Variants in CAMTA1 observed in about 807,000 individuals in gnomAD.
The protein encoded by CAMTA1 is calmodulin-binding transcription activator 1.
Under a neutral mutation model 170.9 loss-of-function variants are expected in CAMTA1, and 27 were observed. The observed-to-expected ratio is 0.16, with a 90% CI of 0.12 to 0.22. The LOEUF is 0.22. Ranked by LOEUF, CAMTA1 falls within the 10% of genes least tolerant of loss-of-function variation. The pLI, the probability that CAMTA1 is intolerant of heterozygous loss-of-function variation, is 1.00. For synonymous variants in CAMTA1, 833 were observed against 891.5 expected, an observed-to-expected ratio of 0.93 and a Z score of 1.17; for missense variants, 1,619 against 2,217.2, an observed-to-expected ratio of 0.73 and a Z score of 5.42.
In CAMTA1 at chr1:7,673,655, A is replaced by C. The variant is rs964463840; in HGVS notation, c.2779+2618A>C. 1.3e-5 allele frequency among the ~76,000 whole-genome samples: 2 copies of C among 152,226 alleles called. No individual in the cohort carries two copies. The highest frequency in any genetic ancestry group is 4.8e-5 in the African/African-American group (2 of 41,454). ...CCAGGAGCCACAAGGCTCAAGGCAC[A>C]CTGAGAGCTGGGACTCCCCTGCTAG... On this transcript the variant is annotated intron_variant, in intron 10 of 22. Transcript: ENST00000303635. The surrounding 1 kb of genome is among the most constrained non-coding windows in gnomAD (Gnocchi z 4.6).
rs1706247138 is a variant in CAMTA1, at chr1:7,050,947, T to G, written c.235-40357T>G. Among the ~76,000 whole-genome samples the G allele has an allele frequency of 6.6e-6, 1 of 152,218 alleles. No individual in the cohort carries two copies. Among genetic ancestry groups the G allele is most frequent in the African/African-American group, 2.4e-5 (1 of 41,450 alleles). On this transcript the variant is annotated intron_variant, in intron 3 of 22. Coordinates refer to ENST00000303635, the MANE Select transcript of CAMTA1 (RefSeq NM_015215.4). This position sits in a 1 kb window ranked among gnomAD's most constrained non-coding sequence, Gnocchi z 4.8. ...GAAGCCCGGCCCTCTGTACTGTGTG[T>G]TCCCAGGCACAGGGAGAATGACTGT...
In CAMTA1 at chr1:7,528,426, T is replaced by C. The variant is rs873609; in HGVS notation, c.510+60525T>C. On this transcript the variant is annotated intron_variant, in intron 6 of 22. Coordinates refer to ENST00000303635, the MANE Select transcript of CAMTA1 (RefSeq NM_015215.4). Reference sequence around the variant, plus strand: ...AAGTTAACCACAGCTAATATTTTGGTTTTTTAAAAAAAAAAAATCTTTCTA... The same window carrying C: ...AAGTTAACCACAGCTAATATTTTGGCTTTTTAAAAAAAAAAAATCTTTCTA... Among the ~76,000 whole-genome samples, 1,257 of 151,048 alleles carry C rather than the reference T, an allele frequency of 8.3e-3. 18 individuals carry two copies. The highest frequency in any genetic ancestry group is 0.029 in the African/African-American group (1,201 of 41,334).
chr1:7,086,558 A>G (rs1227676716), intron 3 of CAMTA1, among the ~76,000 whole-genome samples: 1 of 152,156 alleles, frequency 6.6e-6, no homozygotes, highest in Admixed American at 6.5e-5. Flanking sequence ...CCCATCAGCC[A>G]TAACTCCCCA....
chr1:7,108,388 A>T (rs889895529), intron 4 of CAMTA1, among the ~76,000 whole-genome samples: 1 of 152,152 alleles, frequency 6.6e-6, no homozygotes, highest in Non-Finnish European at 1.5e-5. Flanking sequence ...ATTCATGATG[A>T]TGATCTCCCC....
chr1:7,263,973 T>C (rs116625462), intron 5 of CAMTA1, among the ~76,000 whole-genome samples: 2,098 of 152,278 alleles, frequency 0.014, 54 homozygotes, highest in African/African-American at 0.047. Context: ...GGATTGCTCA[T>C]TTCAATATAT....
intron 3 of CAMTA1, among the ~76,000 whole-genome samples, chr1:6,943,016 C>T (rs1686920572): frequency 6.6e-6 from 1 of 152,130 alleles, no homozygotes; most frequent in Admixed American, 6.5e-5. Context: ...CTGTTGGGGG[C>T]CTTCGATGTC....
At chr1:7,758,990 T>C (rs2096954839) in intron 22 of CAMTA1, among the ~76,000 whole-genome samples, 1 of 151,442 alleles carries the variant, frequency 6.6e-6, no homozygotes, top group African/African-American at 2.4e-5. Flanking sequence ...TGTAAAGTAT[T>C]CCATATTTAA....
chr1:7,324,150 T>C (rs892404411), intron 5 of CAMTA1, among the ~76,000 whole-genome samples: 1 of 152,242 alleles, frequency 6.6e-6, no homozygotes, highest in African/African-American at 2.4e-5. Context: ...TGCTCTATGT[T>C]GCTTTAAAGA....
chr1:7,448,753 C>T lies in CAMTA1; in HGVS notation c.439-19077C>T, dbSNP rs376671572. Among the ~76,000 whole-genome samples the T allele has an allele frequency of 5.9e-3, 904 of 152,294 alleles. 6 individuals are homozygous for T. The highest frequency in any genetic ancestry group is 0.02 in the African/African-American group (825 of 41,540). On this transcript the variant is annotated intron_variant, in intron 5 of 22. Coordinates refer to ENST00000303635, the MANE Select transcript of CAMTA1 (RefSeq NM_015215.4). ...CCTCTTTTTATAAGGACACTAATCC[C>T]ATGCACAAGGGCTCTGTCCCCATGA...
chr1:7,268,092 A>G (rs1669192586), intron 5 of CAMTA1, among the ~76,000 whole-genome samples: 1 of 152,220 alleles, frequency 6.6e-6, no homozygotes, highest in Non-Finnish European at 1.5e-5. Flanking sequence ...AAGAGGAGGA[A>G]ATAAACAAGC....
chr1:7,735,786 T>G (rs372153994), intron 12 of CAMTA1, among the ~76,000 whole-genome samples: 27 of 152,196 alleles, frequency 1.8e-4, no homozygotes, highest in Admixed American at 5.2e-4. Context: ...TGTTGTTGTT[T>G]TTTGAGACAA....
chr1:7,295,277 G>T (rs1034254030), intron 5 of CAMTA1, among the ~76,000 whole-genome samples: 5 of 152,132 alleles, frequency 3.3e-5, no homozygotes, highest in Non-Finnish European at 5.9e-5. Flanking sequence ...GCTGTCATGG[G>T]ACCCATTCCG....
At chr1:7,622,954 C>T (rs780559049) in intron 6 of CAMTA1, among the ~76,000 whole-genome samples, 4 of 152,208 alleles carry the variant, frequency 2.6e-5, no homozygotes, top group Non-Finnish European at 4.4e-5. Flanking sequence ...CTGAGGTCTT[C>T]GTCCCTATTC....
intron 6 of CAMTA1, among the ~76,000 whole-genome samples, chr1:7,600,152 G>T (rs1010887344): frequency 6.8e-6 from 1 of 146,744 alleles, no homozygotes; most frequent in African/African-American, 2.8e-5. Flanking sequence ...CAGCATGAAG[G>T]GTTGTTGAAT....
chr1:7,170,776 G>GT (rs770233107), intron 4 of CAMTA1, among the ~76,000 whole-genome samples: 14 of 152,226 alleles, frequency 9.2e-5, no homozygotes, highest in Admixed American at 4.6e-4. Context: ...AACATATAGG[G>GT]TTTTTTCTGG....
chr1:7,276,303 A>ATATATATATATATTTTT, intron 5 of CAMTA1, among the ~76,000 whole-genome samples: 2 of 24,228 alleles, frequency 8.3e-5, no homozygotes, highest in Non-Finnish European at 1.2e-4. Context: ...ATATATATAT[A>ATATATATATATATTTTT]TTTTTTTTTT....
chr1:7,360,005 T>C (rs1464610828), intron 5 of CAMTA1, among the ~76,000 whole-genome samples: 1 of 152,186 alleles, frequency 6.6e-6, no homozygotes, highest in East Asian at 1.9e-4. Flanking sequence ...GCCTCTCCCC[T>C]GGCTGCTGGC....
chr1:7,766,699 T>G lies in CAMTA1; in HGVS notation c.*208T>G. ...TTTGGTCATTGCATTTGCACTTTCA[T>G]GGACAACTTTTAATTTGATCAGCAA... On this transcript the variant is annotated 3_prime_UTR_variant, in exon 23 of 23. Transcript: ENST00000303635. 1.9e-6 allele frequency: 1 copy of G among 517,106 alleles called. No individual in the cohort carries two copies. The highest frequency in any genetic ancestry group is 3.5e-6 in the Non-Finnish European group (1 of 288,520). The allele number at this position is 517,106 out of a possible 1,614,324, so 32.0% of individuals were successfully genotyped here.
chr1:7,154,682 C>T (rs1646763844), intron 4 of CAMTA1, among the ~76,000 whole-genome samples: 1 of 152,232 alleles, frequency 6.6e-6, no homozygotes, highest in Non-Finnish European at 1.5e-5. Flanking sequence ...GTGACACCCA[C>T]CCGAGTTCCG....
Sources: allele counts gnomAD v4.1 joint callset (sites outside exome capture counted in the v4.1 genomes callset), GRCh38; gene constraint gnomAD v4.1.1; non-coding constraint Gnocchi (gnomAD v3.1); transcripts MANE v1.5; gene names NCBI Gene and HGNC (gene_info 2026-07-23, HGNC 2026-07-21).